Variants in FOXP1 observed in about 807,000 individuals in gnomAD.
FOXP1 encodes forkhead box protein P1.
Under a neutral mutation model 98.2 loss-of-function variants are expected in FOXP1, and 15 were observed. That is an observed-to-expected ratio of 0.15 (90% CI 0.10 to 0.24). The LOEUF (loss-of-function observed/expected upper bound fraction) is 0.24. FOXP1 is among the 10% of genes least tolerant of loss of function. FOXP1 has a pLI of 1.00. For missense variants in FOXP1, 633 were observed against 848.5 expected (o/e 0.75, Z 3.15); for synonymous variants, 371 against 314.5 (o/e 1.18, Z -1.90).
intron 12 of FOXP1, among the ~76,000 whole-genome samples, chr3:71,014,212 C>T (rs2044100684): frequency 1.3e-5 from 2 of 152,236 alleles, no homozygotes; most frequent in South Asian, 4.1e-4. Context: ...TCAGAGTGAA[C>T]AGGCAACCTA....
At chr3:70,967,700 G>GTTTTTTT (rs1553657848) in intron 19 of FOXP1, among the ~76,000 whole-genome samples, 14 of 63,638 alleles carry the variant, frequency 2.2e-4, no homozygotes, top group South Asian at 6.4e-4. Flanking sequence ...TTTTTTTTTT[G>GTTTTTTT]TTTTTTTTTG....
chr3:71,559,123 T>C (rs765844035), intron 2 of FOXP1, among the ~76,000 whole-genome samples: 6 of 152,224 alleles, frequency 3.9e-5, no homozygotes, highest in Non-Finnish European at 7.3e-5. Context: ...TCTCTTCCTC[T>C]GGCTGTTAAT....
At chr3:71,364,945 T>A (rs903330106) in intron 3 of FOXP1, among the ~76,000 whole-genome samples, 4 of 152,232 alleles carry the variant, frequency 2.6e-5, no homozygotes, top group Admixed American at 2.6e-4. Flanking sequence ...GTTGGTAAAC[T>A]TTTTCTGTAA....
chr3:71,505,291 C>A (rs917947943), intron 2 of FOXP1, among the ~76,000 whole-genome samples: 3 of 152,088 alleles, frequency 2.0e-5, no homozygotes, highest in African/African-American at 7.2e-5. Flanking sequence ...ACCCAAGTCA[C>A]CCCTGGTAGT....
intron 14 of FOXP1, among the ~76,000 whole-genome samples, chr3:70,979,765 C>T (rs1460330542): frequency 7.0e-6 from 1 of 142,256 alleles, no homozygotes; most frequent in African/African-American, 2.5e-5. Flanking sequence ...TCGACCTTTA[C>T]TCACACTCTA....
At chr3:71,157,042 C>T (rs114286712) in intron 6 of FOXP1, among the ~76,000 whole-genome samples, 7 of 152,180 alleles carry the variant, frequency 4.6e-5, no homozygotes, top group African/African-American at 7.2e-5. Flanking sequence ...AGGAAAAGCA[C>T]AAGAGAGTGG....
intron 19 of FOXP1, 55 bp downstream of exon 19, chr3:70,970,681 T>G: frequency 7.6e-7 from 1 of 1,309,678 alleles, no homozygotes; most frequent in African/African-American, 1.4e-5. Flanking sequence ...TATTTTGAAA[T>G]GAGTAGGGGA....
At chr3:71,322,878 T>C (rs1374531595) in intron 4 of FOXP1, among the ~76,000 whole-genome samples, 3 of 152,000 alleles carry the variant, frequency 2.0e-5, no homozygotes. Context: ...GAGATGGACA[T>C]GAGAACTCTG....
intron 6 of FOXP1, among the ~76,000 whole-genome samples, chr3:71,161,212 G>A (rs144071153): frequency 6.6e-6 from 1 of 152,300 alleles, no homozygotes; most frequent in East Asian, 1.9e-4. Flanking sequence ...AACGCAGAAG[G>A]CTTAAAATAA....
chr3:71,447,299 C>G (rs1158725429), intron 3 of FOXP1, among the ~76,000 whole-genome samples: 1 of 152,222 alleles, frequency 6.6e-6, no homozygotes, highest in African/African-American at 2.4e-5. Context: ...CTCTGCCTTA[C>G]ACATTCTCAA....
chr3:70,995,857 T>C (rs1354263819), intron 13 of FOXP1, among the ~76,000 whole-genome samples: 1 of 152,218 alleles, frequency 6.6e-6, no homozygotes, highest in Non-Finnish European at 1.5e-5. Context: ...TTTCTACCGC[T>C]AAGAAAACAT....
At chr3:71,171,767 T>C (rs930994497) in intron 6 of FOXP1, among the ~76,000 whole-genome samples, 2 of 152,242 alleles carry the variant, frequency 1.3e-5, no homozygotes, top group Admixed American at 6.5e-5. Context: ...AAAAGTTGTA[T>C]TGACACACAG....
At chr3:71,142,402 T>G (rs889022159) in intron 6 of FOXP1, among the ~76,000 whole-genome samples, 1 of 152,180 alleles carries the variant, frequency 6.6e-6, no homozygotes, top group Non-Finnish European at 1.5e-5. Flanking sequence ...TCAGCTGACT[T>G]GAAGAAAGGG....
chr3:71,031,740 AC>A (rs1356338508), intron 11 of FOXP1, among the ~76,000 whole-genome samples: 1 of 151,580 alleles, frequency 6.6e-6, no homozygotes, highest in Non-Finnish European at 1.5e-5. Context: ...AAACAAACAA[AC>A]AAACAAAAAA....
intron 1 of FOXP1, chr3:71,582,057 G>C (rs1012082167): frequency 1.0e-6 from 1 of 983,796 alleles, no homozygotes; most frequent in Admixed American, 6.2e-5. Context: ...ATTCTCACAG[G>C]GGGCGGGAGC....
intron 3 of FOXP1, among the ~76,000 whole-genome samples, chr3:71,441,730 G>T (rs2085961683): frequency 6.6e-6 from 1 of 152,112 alleles, no homozygotes; most frequent in South Asian, 2.1e-4. Flanking sequence ...CTGGCTTGTG[G>T]GCAGCAAGCC....
intron 7 of FOXP1, among the ~76,000 whole-genome samples, chr3:71,104,740 C>A (rs2057283456): frequency 6.6e-6 from 1 of 152,120 alleles, no homozygotes; most frequent in Non-Finnish European, 1.5e-5. Flanking sequence ...GGGAGCAAAT[C>A]CAAAGCAAAG....
intron 5 of FOXP1, among the ~76,000 whole-genome samples, chr3:71,262,093 C>A (rs1013954724): frequency 6.6e-6 from 1 of 151,562 alleles, no homozygotes; most frequent in African/African-American, 2.4e-5. Context: ...TGGTGAAACC[C>A]TGTCTCCACT....
intron 6 of FOXP1, among the ~76,000 whole-genome samples, chr3:71,120,319 T>C (rs1264185920): frequency 6.6e-6 from 1 of 152,216 alleles, no homozygotes; most frequent in Non-Finnish European, 1.5e-5. Flanking sequence ...TCAACTGGGA[T>C]ATACTGAATT....
Sources: gnomAD v4.1 joint callset for allele counts (sites outside exome capture counted in the v4.1 genomes callset) on GRCh38, gnomAD v4.1.1 for gene constraint, MANE v1.5 for transcripts, NCBI Gene and HGNC (gene_info 2026-07-23, HGNC 2026-07-21) for gene names.